The following CMIP variants were observed in gnomAD, a reference collection of about 807,000 sequenced individuals.
CMIP encodes the protein C-Maf-inducing protein.
In CMIP, 13 loss-of-function variants were observed where a neutral mutation model predicts 97.3. The observed-to-expected ratio is 0.13, with a 90% CI of 0.09 to 0.21. The LOEUF (loss-of-function observed/expected upper bound fraction) is 0.21, where lower values mean the gene tolerates loss of function less well. CMIP is among the 10% of genes least tolerant of loss of function. The probability of loss-of-function intolerance (pLI) is 1.00; values close to 1 mark genes in which losing one functional copy is unlikely to be tolerated. For synonymous variants in CMIP, 538 were observed against 436.3 expected, an observed-to-expected ratio of 1.23 and a Z score of -2.91; for missense variants, 847 against 1,024.9, an observed-to-expected ratio of 0.83 and a Z score of 2.37.
chr16:81,663,871 A>T (rs1029027424), intron 6 of CMIP, among the ~76,000 whole-genome samples: 17 of 151,916 alleles, frequency 1.1e-4, no homozygotes, highest in African/African-American at 3.9e-4. Context: ...GGGAAACAAG[A>T]TTGTGTTGTC....
chr16:81,467,181 C>A (rs532634175), intron 1 of CMIP, among the ~76,000 whole-genome samples: 64 of 152,294 alleles, frequency 4.2e-4, no homozygotes, highest in African/African-American at 1.4e-3. Context: ...GGACGTGGAC[C>A]CATGTTTGTC....
At chr16:81,688,807 C>G (rs1905718002) in intron 10 of CMIP, among the ~76,000 whole-genome samples, 1 of 152,156 alleles carries the variant, frequency 6.6e-6, no homozygotes, top group Admixed American at 6.6e-5. Context: ...ATCCCTCCCT[C>G]CTCCCCCAAC....
Position 81,550,237 on chromosome 16 carries a change from C to T in CMIP, c.301-57330C>T, listed in dbSNP as rs148102435. 3.3e-5 allele frequency among the ~76,000 whole-genome samples: 5 copies of T among 152,208 alleles called. No individual in the cohort carries two copies. In the East Asian group the frequency reaches 9.6e-4, roughly 29 times the overall value. On this transcript the variant is annotated intron_variant, in intron 1 of 20. Coordinates refer to ENST00000537098, the MANE Select transcript of CMIP (RefSeq NM_198390.3). ...CAGTTACTCATTGCATGATCTGAGG[C>T]TGGTCATGCAAGCTCTCTGAGCCTC...
intron 1 of CMIP, among the ~76,000 whole-genome samples, chr16:81,536,465 A>C (rs943021291): frequency 1.3e-5 from 2 of 152,236 alleles, no homozygotes; most frequent in East Asian, 1.9e-4. Context: ...CTTTTTAAAA[A>C]AATGGTGATA....
At chr16:81,524,793 C>A (rs963790998) in intron 1 of CMIP, among the ~76,000 whole-genome samples, 12 of 150,642 alleles carry the variant, frequency 8.0e-5, no homozygotes, top group Middle Eastern at 3.6e-3. Context: ...TATTTCTTTT[C>A]TTTCTTTTTT....
intron 11 of CMIP, among the ~76,000 whole-genome samples, chr16:81,692,927 C>T (rs1400632881): frequency 6.6e-6 from 1 of 152,178 alleles, no homozygotes; most frequent in Middle Eastern, 3.2e-3. Flanking sequence ...AGGGAACTTT[C>T]GGGAATGGGG....
chr16:81,467,913 G>T (rs1907304206), intron 1 of CMIP, among the ~76,000 whole-genome samples: 1 of 143,596 alleles, frequency 7.0e-6, no homozygotes, highest in South Asian at 2.2e-4. Context: ...TTGAGGCAGA[G>T]TATTGCTGTA....
rs754507835 is a variant in CMIP, at chr16:81,706,910, CAG to C, written c.2198-103_2198-102del. 17 of 923,752 alleles carry C rather than the reference CAG, an allele frequency of 1.8e-5. 1 individual carries two copies. Among genetic ancestry groups the C allele is most frequent in the South Asian group, 4.4e-5 (3 of 68,056 alleles). The allele number at this position is 923,752 out of a possible 1,614,324, so 57.2% of individuals were successfully genotyped here. ...CTCCCTCCCCAGCCCCATCTCCTAA[CAG>C]GGGGCCTGGCACCTGCATTGAGCTC... On this transcript the variant is annotated intron_variant, in intron 19 of 20. Transcript: ENST00000537098.
intron 1 of CMIP, among the ~76,000 whole-genome samples, chr16:81,551,795 G>A (rs2150857623): frequency 6.6e-6 from 1 of 152,352 alleles, no homozygotes; most frequent in South Asian, 2.1e-4. Context: ...GGCCCCTGTT[G>A]TGGACAGTTC....
At chr16:81,688,902 T>C (rs1428549813) in intron 10 of CMIP, among the ~76,000 whole-genome samples, 1 of 152,160 alleles carries the variant, frequency 6.6e-6, no homozygotes, top group African/African-American at 2.4e-5. Context: ...AGTGAGAACA[T>C]GCGGTGTTCG....
At chr16:81,703,093 A>G (rs1243965256) in intron 17 of CMIP, among the ~76,000 whole-genome samples, 1 of 152,056 alleles carries the variant, frequency 6.6e-6, no homozygotes, top group African/African-American at 2.4e-5. Flanking sequence ...ATTATATTTG[A>G]CACATGGCTT....
At chr16:81,514,998 G>C (rs2089885406) in intron 1 of CMIP, among the ~76,000 whole-genome samples, 2 of 152,210 alleles carry the variant, frequency 1.3e-5, no homozygotes, top group Admixed American at 1.3e-4. Flanking sequence ...CTGTGTGCCA[G>C]GCCCAACAGC....
At chr16:81,581,669 T>A (rs1254332876) in intron 1 of CMIP, among the ~76,000 whole-genome samples, 3 of 152,156 alleles carry the variant, frequency 2.0e-5, no homozygotes, top group Admixed American at 2.0e-4. Flanking sequence ...AGCTTGGCAT[T>A]TTAGGAATAG....
intron 1 of CMIP, among the ~76,000 whole-genome samples, chr16:81,475,387 A>G (rs1907840885): frequency 6.6e-6 from 1 of 152,214 alleles, no homozygotes; most frequent in Non-Finnish European, 1.5e-5. Context: ...TCTGATTTCA[A>G]ACCCTTCCTT....
intron 3 of CMIP, among the ~76,000 whole-genome samples, chr16:81,646,223 A>AATGG (rs1242592966): frequency 9.1e-5 from 10 of 110,396 alleles, no homozygotes; most frequent in African/African-American, 3.7e-4. Flanking sequence ...TGGATGGATT[A>AATGG]ATGGATGGAT....
intron 1 of CMIP, among the ~76,000 whole-genome samples, chr16:81,544,681 G>A (rs1243999945): frequency 6.6e-6 from 1 of 151,364 alleles, no homozygotes; most frequent in African/African-American, 2.4e-5. Context: ...TGTGGTGTAT[G>A]GGTATTTGTA....
intron 1 of CMIP, among the ~76,000 whole-genome samples, chr16:81,597,781 A>C (rs540903692): frequency 2.0e-5 from 3 of 152,160 alleles, no homozygotes; most frequent in Non-Finnish European, 4.4e-5. Context: ...GCCCAGTGGC[A>C]CATATGAAAA....
At chr16:81,650,004 G>A (rs1180085311) in intron 3 of CMIP, among the ~76,000 whole-genome samples, 1 of 152,220 alleles carries the variant, frequency 6.6e-6, no homozygotes, top group East Asian at 1.9e-4. Flanking sequence ...CACTAGGACA[G>A]GGCGGCTTTG....
intron 1 of CMIP, among the ~76,000 whole-genome samples, chr16:81,506,273 T>C (rs1223533915): frequency 6.6e-6 from 1 of 152,196 alleles, no homozygotes; most frequent in Non-Finnish European, 1.5e-5. Flanking sequence ...GTTCTGATCC[T>C]GACCAGTACT....
Sources: gnomAD v4.1 joint callset for allele counts (sites outside exome capture counted in the v4.1 genomes callset) on GRCh38, gnomAD v4.1.1 for gene constraint, MANE v1.5 for transcripts, NCBI Gene and HGNC (gene_info 2026-07-23, HGNC 2026-07-21) for gene names.